SPATA22: variants seen among roughly 807,000 people sequenced by gnomAD.
SPATA22 encodes spermatogenesis associated 22, also known as spermatogenesis-associated protein 22.
A neutral mutation model predicts 47.8 loss-of-function variants in SPATA22; 29 were observed. That is an observed-to-expected ratio of 0.61 (90% CI 0.45 to 0.83). The LOEUF (loss-of-function observed/expected upper bound fraction) is 0.83. SPATA22 is among the 40% of genes least tolerant of loss of function. The pLI is 0.00. For missense variants in SPATA22, 410 were observed against 421.7 expected, an observed-to-expected ratio of 0.97 and a Z score of 0.24; for synonymous variants, 133 against 140.9, an observed-to-expected ratio of 0.94 and a Z score of 0.40.
Position 3,504,144 on chromosome 17 carries a change from G to T in SPATA22, c.-74+9268C>A, listed in dbSNP as rs1167402263. ...CTCAGACTGCGCTCTAGCCAATAATGCCTTTTTCTCCTTCAAAATGCAACC... is the reference window on the plus strand; with the variant it reads ...CTCAGACTGCGCTCTAGCCAATAATTCCTTTTTCTCCTTCAAAATGCAACC... On this transcript the variant is annotated intron_variant, in intron 1 of 8. Coordinates refer to the SPATA22 transcript ENST00000541913. Among the ~76,000 whole-genome samples the T allele has an allele frequency of 3.9e-5, 6 of 152,050 alleles. No individual in the cohort carries two copies. In the East Asian group the frequency reaches 1.2e-3, roughly 29 times the overall value.
chr17:3,506,988 A>AAGGGAGGAAGGGAGGG (rs1555542245), intron 1 of SPATA22, among the ~76,000 whole-genome samples: 1 of 138,148 alleles, frequency 7.2e-6, no homozygotes, highest in African/African-American at 2.8e-5. Flanking sequence ...AGGAAAAGAG[A>AAGGGAGGAAGGGAGGG]AGGAAGGGAG....
chr17:3,510,703 C>T (rs1003709359), intron 1 of SPATA22: 3 of 152,206 alleles, frequency 2.0e-5, no homozygotes, highest in African/African-American at 7.2e-5. Context: ...GTGTTTGGAA[C>T]CAAGATCACA....
At chr17:3,472,367 G>T (rs1018797918), upstream of SPATA22, 1 of 152,378 alleles carries the variant, frequency 6.6e-6, no homozygotes, top group Non-Finnish European at 1.5e-5. Flanking sequence ...CCGCAGAGAC[G>T]CTCTGCAGGG....
chr17:3,492,629 TC>T (rs1567616478), intron 1 of SPATA22, among the ~76,000 whole-genome samples: 1 of 152,212 alleles, frequency 6.6e-6, no homozygotes, highest in Admixed American at 6.5e-5. Flanking sequence ...CTTGCTCTCT[TC>T]CTGCTCTTGG....
chr17:3,512,806 C>G lies in SPATA22; in HGVS notation c.-74+606G>C, dbSNP rs1443868171. 1 of 151,964 alleles carries G rather than the reference C, an allele frequency of 6.6e-6. No homozygotes were observed. Among genetic ancestry groups the G allele is most frequent in the Non-Finnish European group, 1.5e-5 (1 of 68,008 alleles). The allele number at this position is 151,964 out of a possible 1,614,324, so 9.4% of individuals were successfully genotyped here. The stretch of plus-strand genomic sequence containing the variant: ...GCTTCCCCTTCAGCTTCAAAATTCA[C>G]AGTTAAAATTAAAAAAAAAATACTT... On this transcript the variant is annotated intron_variant, in intron 1 of 8. Transcript: ENST00000541913.
chr17:3,469,075 A>G (rs1427369655), intron 2 of SPATA22, among the ~76,000 whole-genome samples: 1 of 152,200 alleles, frequency 6.6e-6, no homozygotes, highest in Non-Finnish European at 1.5e-5. Flanking sequence ...GAATATCAAA[A>G]TAAATCTAAG....
intron 1 of SPATA22, among the ~76,000 whole-genome samples, chr17:3,481,246 T>TA (rs1418586043): frequency 6.6e-6 from 1 of 152,210 alleles, no homozygotes; most frequent in East Asian, 1.9e-4. Flanking sequence ...AGTCCCATAA[T>TA]AAATAACCCA....
At chr17:3,505,562 A>G (rs72825822) in intron 1 of SPATA22, among the ~76,000 whole-genome samples, 23,827 of 151,902 alleles carry the variant, frequency 0.16, 2,127 homozygotes, top group African/African-American at 0.24. Context: ...AGCAAATGAA[A>G]AGTGGCAGCT....
At chr17:3,510,932 A>C (rs1419516579) in intron 1 of SPATA22, 1 of 152,268 alleles carries the variant, frequency 6.6e-6, no homozygotes, top group Non-Finnish European at 1.5e-5. Flanking sequence ...CATCCCAGGG[A>C]GGAAGGTTAA....
At chr17:3,443,065 G>T (rs1284711668) in intron 8 of SPATA22, 109 bp downstream of exon 8, 2 of 762,044 alleles carry the variant, frequency 2.6e-6, no homozygotes, top group Non-Finnish European at 4.1e-6. Flanking sequence ...TAAAACCAGT[G>T]TTAAAAGTAC....
chr17:3,499,135 T>C (rs542964746), intron 1 of SPATA22: 1 of 1,579,918 alleles, frequency 6.3e-7, no homozygotes, highest in Admixed American at 1.8e-5. Flanking sequence ...CAAATTCTGC[T>C]AGTCTGTAAG....
chr17:3,440,900 A>T (rs17222411), intron 8 of SPATA22: 1 of 151,798 alleles, frequency 6.6e-6, no homozygotes, highest in East Asian at 1.9e-4. Context: ...TAAGAAACTG[A>T]GCAGAGATTT....
At chr17:3,481,208 G>A (rs529114977) in intron 1 of SPATA22, among the ~76,000 whole-genome samples, 13 of 152,056 alleles carry the variant, frequency 8.5e-5, no homozygotes, top group Non-Finnish European at 1.6e-4. Context: ...AGCTAAAGTG[G>A]GGGAAAAAAA....
At position 3,469,297 on chromosome 17, in the gene SPATA22, G is replaced by C. The variant is rs1235372074; in HGVS notation, c.29C>G (p.Ala10Gly). The change falls in exon 2 of 9, where the codon GCT becomes GGT. Residue 10 changes from alanine to glycine, a missense_variant. Transcript: ENST00000572969. MKRSLNENS[A>G]RSTAGCLPVP... Reference sequence around the variant, plus strand: ...TTGTTCAATACCTGCTGTACTTCGAGCTGAATTTTCATTTAGGCTTCGCTT... The same window carrying C: ...TTGTTCAATACCTGCTGTACTTCGACCTGAATTTTCATTTAGGCTTCGCTT... 1 of 1,555,062 alleles carries C rather than the reference G, an allele frequency of 6.4e-7. No individual in the cohort carries two copies. Among genetic ancestry groups the C allele is most frequent in the Non-Finnish European group, 8.8e-7 (1 of 1,139,424 alleles).
chr17:3,477,353 TA>T (rs1181849056), intron 1 of SPATA22, among the ~76,000 whole-genome samples: 1 of 152,240 alleles, frequency 6.6e-6, no homozygotes, highest in Non-Finnish European at 1.5e-5. Context: ...CATAACATGC[TA>T]GGTTAGGTCC....
intron 1 of SPATA22, chr17:3,499,337 T>A: frequency 3.1e-6 from 1 of 321,604 alleles, no homozygotes; most frequent in Non-Finnish European, 5.6e-6. Flanking sequence ...GATACTTGGG[T>A]AGCTCAACAT....
intron 3 of SPATA22, among the ~76,000 whole-genome samples, chr17:3,464,203 A>G (rs1313697332): frequency 6.6e-6 from 1 of 151,936 alleles, no homozygotes; most frequent in Non-Finnish European, 1.5e-5. Flanking sequence ...GCTGGTCTCC[A>G]GCTCCTAACC....
chr17:3,452,418 C>T (rs532954059), intron 5 of SPATA22, among the ~76,000 whole-genome samples: 1 of 151,640 alleles, frequency 6.6e-6, no homozygotes, highest in Non-Finnish European at 1.5e-5. Flanking sequence ...ATGATGAAAC[C>T]CCGTCTCTAC....
At chr17:3,508,424 C>T (rs562489393) in intron 1 of SPATA22, among the ~76,000 whole-genome samples, 1 of 152,006 alleles carries the variant, frequency 6.6e-6, no homozygotes, top group East Asian at 1.9e-4. Context: ...GACTATAAAT[C>T]ATGCTGCTAT....
Sources: allele counts gnomAD v4.1 joint callset (sites outside exome capture counted in the v4.1 genomes callset), GRCh38; gene constraint gnomAD v4.1.1; transcripts MANE v1.5; gene names NCBI Gene and HGNC (gene_info 2026-07-23, HGNC 2026-07-21).